Variants in CERS3 observed in about 807,000 individuals in gnomAD.
CERS3 encodes the protein LAG1 homolog, ceramide synthase 3.
A neutral mutation model predicts 50.3 loss-of-function variants in CERS3; 33 were observed. That is an observed-to-expected ratio of 0.66 (90% confidence interval 0.50 to 0.88). CERS3 has a LOEUF of 0.88. Among genes scored for constraint, CERS3 ranks in the 40% least tolerant of loss-of-function variants. The pLI is 0.00. For missense variants in CERS3, 470 were observed against 460.3 expected (o/e 1.02, Z -0.19); for synonymous variants, 176 against 155.2 (o/e 1.13, Z -0.99).
chr15:100,491,051 C>A (rs2035634711), intron 3 of CERS3, 120 bp from the exon 4 acceptor site: 3 of 652,534 alleles, frequency 4.6e-6, no homozygotes, highest in Admixed American at 6.4e-5. Flanking sequence ...TATGTTGACA[C>A]TGGGGCTACG....
intron 2 of CERS3, among the ~76,000 whole-genome samples, chr15:100,512,762 T>C (rs2036383738): frequency 6.6e-6 from 1 of 151,876 alleles, no homozygotes; most frequent in Admixed American, 6.6e-5. Context: ...AGGCTGAGGG[T>C]ATTCTGAGCA....
At chr15:100,460,004 A>G (rs1178988013) in intron 10 of CERS3, among the ~76,000 whole-genome samples, 1 of 152,136 alleles carries the variant, frequency 6.6e-6, no homozygotes. Context: ...TTTATATACT[A>G]AAGATATCAA....
At position 100,402,839 on chromosome 15, in the gene CERS3, G is replaced by A. The variant is rs116101674; in HGVS notation, c.1026C>T (p.Asp342=). Residue 342 remains aspartate, a synonymous_variant, in exon 12 of 12, where the codon GAC becomes GAT. Coordinates refer to ENST00000679737, the MANE Select transcript of CERS3 (RefSeq NM_001378789.1). ...MKSIQDVRSD[D]EDYEEEEEEE... ...CTTCCTCTTCCTCTTCATAATCCTCGTCATCACTCCTCACATCCTGGATGC... is the reference window on the plus strand; with the variant it reads ...CTTCCTCTTCCTCTTCATAATCCTCATCATCACTCCTCACATCCTGGATGC... The A allele has an allele frequency of 5.2e-3, 8,324 of 1,608,880 alleles. 168 individuals carry two copies. In the Admixed American group the frequency reaches 0.058, roughly 11 times the overall value.
intron 11 of CERS3, among the ~76,000 whole-genome samples, chr15:100,412,309 T>A (rs1197323224): frequency 6.6e-6 from 1 of 152,142 alleles, no homozygotes; most frequent in Non-Finnish European, 1.5e-5. Context: ...CCAGCACCAT[T>A]TGTCGAAAAG....
intron 11 of CERS3, among the ~76,000 whole-genome samples, chr15:100,420,417 A>C (rs966812981): frequency 5.3e-5 from 8 of 152,176 alleles, no homozygotes; most frequent in Non-Finnish European, 7.3e-5. Context: ...CAATAACAGG[A>C]TCTGAAATTG....
intron 11 of CERS3, among the ~76,000 whole-genome samples, chr15:100,423,569 GA>G (rs1461465106): frequency 1.3e-5 from 2 of 152,130 alleles, no homozygotes; most frequent in Non-Finnish European, 2.9e-5. Context: ...TGGACACAAA[GA>G]GGGGTACAAC....
intron 2 of CERS3, among the ~76,000 whole-genome samples, chr15:100,508,486 C>T (rs995630300): frequency 1.6e-4 from 24 of 152,178 alleles, no homozygotes; most frequent in Admixed American, 1.4e-3. Context: ...ATGGAAAGGA[C>T]AGTTACAAAA....
chr15:100,417,687 C>T (rs1202923794), intron 11 of CERS3, among the ~76,000 whole-genome samples: 1 of 151,984 alleles, frequency 6.6e-6, no homozygotes, highest in African/African-American at 2.4e-5. Context: ...CCCTGTCTGA[C>T]AGCTTTGAAG....
intron 11 of CERS3, among the ~76,000 whole-genome samples, chr15:100,423,884 A>G (rs2587834): frequency 0.38 from 56,907 of 151,428 alleles, 11,179 homozygotes; most frequent in East Asian, 0.55. Context: ...AGCCTGCAGA[A>G]CCATGAGTTA....
At chr15:100,421,162 A>T (rs923581486) in intron 11 of CERS3, among the ~76,000 whole-genome samples, 1 of 151,856 alleles carries the variant, frequency 6.6e-6, no homozygotes, top group Non-Finnish European at 1.5e-5. Flanking sequence ...TGCAGACAAC[A>T]TGATTGTATA....
intron 2 of CERS3, among the ~76,000 whole-genome samples, chr15:100,520,086 C>G (rs1237054192): frequency 6.6e-6 from 1 of 152,296 alleles, no homozygotes; most frequent in African/African-American, 2.4e-5. Flanking sequence ...GCTCTGAGCC[C>G]ACTTCCAGGA....
intron 2 of CERS3, among the ~76,000 whole-genome samples, chr15:100,509,128 AG>A (rs758190220): frequency 2.9e-4 from 44 of 152,148 alleles, no homozygotes; most frequent in Non-Finnish European, 3.4e-4. Context: ...TAGCTAATGT[AG>A]GGGGTTCACG....
chr15:100,423,209 G>C (rs886971541), intron 11 of CERS3, among the ~76,000 whole-genome samples: 1 of 152,102 alleles, frequency 6.6e-6, no homozygotes, highest in African/African-American at 2.4e-5. Context: ...AAGCATTTTG[G>C]AGATTTCTCA....
chr15:100,442,917 C>T lies in CERS3; in HGVS notation c.999+12976G>A, dbSNP rs986625531. Among the ~76,000 whole-genome samples the T allele has an allele frequency of 5.3e-5, 8 of 151,728 alleles. No homozygotes were observed. The East Asian group carries it at 1.6e-3, about 30-fold the overall frequency. Reference sequence around the variant, plus strand: ...TCTTTACAAAGGCCTGTTTCCCTTGCCTCCATAACTGTTGTGGGTATTGAC... The same window carrying T: ...TCTTTACAAAGGCCTGTTTCCCTTGTCTCCATAACTGTTGTGGGTATTGAC... On this transcript the variant is annotated intron_variant, in intron 11 of 11. Coordinates refer to ENST00000679737, the MANE Select transcript of CERS3 (RefSeq NM_001378789.1).
chr15:100,429,882 A>G (rs1162157353), intron 11 of CERS3, among the ~76,000 whole-genome samples: 2 of 152,148 alleles, frequency 1.3e-5, no homozygotes, highest in Admixed American at 1.3e-4. Context: ...GGTGAGCACA[A>G]TAAATTTAAA....
intron 11 of CERS3, among the ~76,000 whole-genome samples, chr15:100,431,289 C>A (rs1042489083): frequency 6.6e-6 from 1 of 152,134 alleles, no homozygotes; most frequent in Non-Finnish European, 1.5e-5. Flanking sequence ...CATAAAATTG[C>A]AAGTATGTCT....
rs752584340 is a variant in CERS3, at chr15:100,480,088, A to C, written c.408-42T>G. 4 of 1,449,410 alleles carry C rather than the reference A, an allele frequency of 2.8e-6. No individual in the cohort carries two copies. In the African/African-American group the frequency reaches 5.7e-5, roughly 20 times the overall value. The allele number at this position is 1,449,410 out of a possible 1,614,324, so 89.8% of individuals were successfully genotyped here. Reference sequence around the variant, plus strand: ...AAATCTTTACTCCCTTGTAAAGGTAACTGAGATTTGAGGAGAAAATGATTA... The same window carrying C: ...AAATCTTTACTCCCTTGTAAAGGTACCTGAGATTTGAGGAGAAAATGATTA... On this transcript the variant is annotated intron_variant, in intron 5 of 11. Transcript: ENST00000679737.
At chr15:100,495,374 G>T (rs1230355510) in intron 3 of CERS3, among the ~76,000 whole-genome samples, 1 of 152,162 alleles carries the variant, frequency 6.6e-6, no homozygotes, top group African/African-American at 2.4e-5. Flanking sequence ...ATCCCTGTAA[G>T]CCTTTGGCTG....
chr15:100,473,084 G>A, intron 8 of CERS3, 32 bp from the exon 9 acceptor site: 1 of 1,590,718 alleles, frequency 6.3e-7, no homozygotes, highest in Non-Finnish European at 8.5e-7. Context: ...AAGCCATTAA[G>A]GAAATGCATT....
Sources: allele counts gnomAD v4.1 joint callset (sites outside exome capture counted in the v4.1 genomes callset), GRCh38; gene constraint gnomAD v4.1.1; transcripts MANE v1.5; gene names NCBI Gene and HGNC (gene_info 2026-07-23, HGNC 2026-07-21).